ARHGAP21: variants seen among roughly 807,000 people sequenced by gnomAD.
The protein encoded by ARHGAP21 is rho GTPase-activating protein 21.
In ARHGAP21, 38 loss-of-function variants were observed where a neutral mutation model predicts 164.6. The ratio of observed to expected loss-of-function variants is 0.23; its 90% CI spans 0.18 to 0.30. The LOEUF is 0.30. ARHGAP21 is among the 10% of genes least tolerant of loss of function. The pLI, the probability that ARHGAP21 is intolerant of heterozygous loss-of-function variation, is 1.00. For missense variants in ARHGAP21, 1,822 were observed against 2,370.7 expected (o/e 0.77, Z 4.81); for synonymous variants, 766 against 857.9 (o/e 0.89, Z 1.87).
chr10:24,722,449 A>AATTTTTT, intron 1 of ARHGAP21, 170 bp from the exon 2 acceptor site: 1 of 155,974 alleles, frequency 6.4e-6, no homozygotes, highest in Admixed American at 6.2e-5. Flanking sequence ...TAAAAAAGAG[A>AATTTTTT]AATCTCGAAA....
chr10:24,657,756 A>C (rs1043195747), intron 4 of ARHGAP21, among the ~76,000 whole-genome samples: 1 of 93,348 alleles, frequency 1.1e-5, no homozygotes, highest in Non-Finnish European at 2.1e-5. Context: ...CTTGCCCCCA[A>C]CCCTGTGCTC....
Position 24,595,152 on chromosome 10 carries a change from C to G in ARHGAP21, c.3751G>C (p.Asp1251His). ...AATGTTTTCAGACGATCTAGAGGATCTTCTTTACGATTGGCTTCAATAAAA... is the reference window on the plus strand; with the variant it reads ...AATGTTTTCAGACGATCTAGAGGATGTTCTTTACGATTGGCTTCAATAAAA... The part of the protein sequence containing the change: ...ADFIEANRKE[D>H]PLDRLKTLKR... The change falls in exon 20 of 26, where the codon GAT becomes CAT. Residue 1251 changes from aspartate (D) to histidine (H), a missense_variant. Physicochemically the swap from Asp to His is moderately conservative, Grantham distance 81. This residue lies in a region of ARHGAP21 where 117 missense variants were observed against 238.1 expected (regional missense o/e 0.49). Coordinates refer to ENST00000396432, the MANE Select transcript of ARHGAP21 (RefSeq NM_020824.4). The G allele has an allele frequency of 6.2e-7, 1 of 1,611,692 alleles. No homozygotes were observed. The highest frequency in any genetic ancestry group is 8.5e-7 in the Non-Finnish European group (1 of 1,179,194).
At chr10:24,700,573 TTTTC>T (rs1288290125) in intron 2 of ARHGAP21, among the ~76,000 whole-genome samples, 6 of 152,228 alleles carry the variant, frequency 3.9e-5, no homozygotes, top group African/African-American at 1.2e-4. Context: ...AAATTGAGGC[TTTTC>T]TTTATGATTA....
chr10:24,683,129 G>A (rs937166724), intron 2 of ARHGAP21, among the ~76,000 whole-genome samples: 10 of 149,388 alleles, frequency 6.7e-5, no homozygotes, highest in Non-Finnish European at 1.3e-4. Flanking sequence ...GATGACTAAT[G>A]AGACTGTAAT....
chr10:24,715,222 A>G (rs1348665940), intron 2 of ARHGAP21, among the ~76,000 whole-genome samples: 8 of 152,108 alleles, frequency 5.3e-5, no homozygotes, highest in Non-Finnish European at 1.0e-4. Flanking sequence ...CATTTTGGTA[A>G]TAAAAAAGAG....
chr10:24,644,883 C>A (rs73606532), intron 4 of ARHGAP21, among the ~76,000 whole-genome samples: 2,116 of 152,248 alleles, frequency 0.014, 45 homozygotes, highest in African/African-American at 0.049. Flanking sequence ...CTATTTTCAA[C>A]CCCTAACCTC....
At chr10:24,665,916 T>C (rs1006942689) in intron 4 of ARHGAP21, among the ~76,000 whole-genome samples, 9 of 152,358 alleles carry the variant, frequency 5.9e-5, no homozygotes, top group African/African-American at 2.2e-4. Flanking sequence ...AGAACAAGGA[T>C]ACTAGCGGAA....
chr10:24,621,831 A>C (rs1347836529), intron 8 of ARHGAP21, among the ~76,000 whole-genome samples: 1 of 122,650 alleles, frequency 8.2e-6, no homozygotes, highest in African/African-American at 4.2e-5. Context: ...ATTAAGTCTA[A>C]TTTATTTGAA....
Position 24,628,585 on chromosome 10 carries a change from GA to G in ARHGAP21, c.495+1410del, listed in dbSNP as rs540019608. On this transcript the variant is annotated intron_variant, in intron 7 of 25. Coordinates refer to ENST00000396432, the MANE Select transcript of ARHGAP21 (RefSeq NM_020824.4). Reference sequence around the variant, plus strand: ...TCTTGAATTTAGCTATAGGTAATAAGAAAAAAACCCAATTGTTTACCAAAAA... The same window carrying G: ...TCTTGAATTTAGCTATAGGTAATAAGAAAAAACCCAATTGTTTACCAAAAA... 8.2e-4 allele frequency among the ~76,000 whole-genome samples: 125 copies of G among 151,668 alleles called. 1 individual carries two copies. Among genetic ancestry groups the G allele is most frequent in the Non-Finnish European group, 9.3e-4 (63 of 67,874 alleles).
intron 4 of ARHGAP21, among the ~76,000 whole-genome samples, chr10:24,650,068 G>A (rs781512861): frequency 6.6e-6 from 1 of 152,152 alleles, no homozygotes; most frequent in Non-Finnish European, 1.5e-5. Flanking sequence ...AGAGAATTTA[G>A]TAGCCATGGG....
intron 9 of ARHGAP21, among the ~76,000 whole-genome samples, chr10:24,609,121 G>C (rs1046452425): frequency 6.6e-6 from 1 of 152,144 alleles, no homozygotes; most frequent in Admixed American, 6.5e-5. Flanking sequence ...GGAATACACT[G>C]TATTCTTCAA....
At chr10:24,644,885 C>T (rs541699370) in intron 4 of ARHGAP21, among the ~76,000 whole-genome samples, 15 of 152,244 alleles carry the variant, frequency 9.9e-5, no homozygotes, top group Non-Finnish European at 1.6e-4. Context: ...ATTTTCAACC[C>T]CTAACCTCTT....
At chr10:24,677,713 TGTAA>T (rs1397010035) in intron 2 of ARHGAP21, among the ~76,000 whole-genome samples, 2 of 152,204 alleles carry the variant, frequency 1.3e-5, no homozygotes, top group African/African-American at 2.4e-5. Flanking sequence ...CTAGTTAAGC[TGTAA>T]GTAATGACTG....
intron 7 of ARHGAP21, 124 bp from the exon 8 acceptor site, chr10:24,622,886 C>T (rs1415184782): frequency 1.2e-5 from 11 of 884,752 alleles, no homozygotes; most frequent in African/African-American, 1.7e-5. Context: ...CTGGAAGGTA[C>T]CAAGAGAGGT....
chr10:24,614,822 G>GT (rs1364711711), intron 9 of ARHGAP21, among the ~76,000 whole-genome samples: 3 of 147,512 alleles, frequency 2.0e-5, no homozygotes, highest in Non-Finnish European at 4.5e-5. Context: ...TAAAAAAAAC[G>GT]TATTTCCCTA....
Position 24,607,822 on chromosome 10 carries a change from A to G in ARHGAP21, c.2504T>C (p.Val835Ala). 6.2e-7 allele frequency: 1 copy of G among 1,614,122 alleles called. No individual in the cohort carries two copies. Among genetic ancestry groups the G allele is most frequent in the Non-Finnish European group, 8.5e-7 (1 of 1,180,012 alleles). The change falls in exon 10 of 26, where the codon GTC (valine) becomes GCC (alanine). Residue 835 changes from valine to alanine, a missense_variant. By Grantham distance (64) the Val-to-Ala change is moderately conservative. Transcript: ENST00000396432. ...AGGAGGAACTGTTGCTATGGAGGGGACCTGAGAGGTAGAGGCTGATATAAC... is the reference window on the plus strand; with the variant it reads ...AGGAGGAACTGTTGCTATGGAGGGGGCCTGAGAGGTAGAGGCTGATATAAC... Reference protein sequence around the residue: ...SAVISASTSQVPSIATVPPCL... With the variant: ...SAVISASTSQAPSIATVPPCL...
chr10:24,608,446 C>A (rs1012299838), intron 9 of ARHGAP21, among the ~76,000 whole-genome samples: 2 of 152,164 alleles, frequency 1.3e-5, no homozygotes, highest in Admixed American at 1.3e-4. Flanking sequence ...AAAATTCTTA[C>A]TCTTATAAAA....
chr10:24,707,579 A>C (rs1216994895), intron 2 of ARHGAP21, among the ~76,000 whole-genome samples: 2 of 152,116 alleles, frequency 1.3e-5, no homozygotes, highest in Non-Finnish European at 2.9e-5. Context: ...TACATGTCCA[A>C]AACTGAATTC....
At position 24,680,557 on chromosome 10, in the gene ARHGAP21, CTAAT is replaced by C. The variant is rs567899194; in HGVS notation, c.64-10164_64-10161del. Among the ~76,000 whole-genome samples the C allele has an allele frequency of 2.6e-5, 4 of 152,266 alleles. No individual in the cohort carries two copies. The South Asian group carries it at 6.2e-4, about 24-fold the overall frequency. On this transcript the variant is annotated intron_variant, in intron 2 of 25. Transcript: ENST00000396432. ...CAATTTCTTTCTTGCTCTCTGCAAA[CTAAT>C]TAAGATTTCTGAATGTGACATAGCT...
Sources: allele counts gnomAD v4.1 joint callset (sites outside exome capture counted in the v4.1 genomes callset), GRCh38; gene constraint gnomAD v4.1.1; regional missense constraint gnomAD v4.1.1; transcripts MANE v1.5; gene names NCBI Gene and HGNC (gene_info 2026-07-23, HGNC 2026-07-21).